ANK3: variants seen among roughly 807,000 people sequenced by gnomAD.
ANK3 encodes ankyrin 3, also known as ankyrin-3.
In ANK3, 57 loss-of-function variants were observed where a neutral mutation model predicts 370.9. The observed-to-expected ratio is 0.15, with a 90% confidence interval of 0.12 to 0.19. The LOEUF is 0.19. Ranked by LOEUF, ANK3 falls within the 10% of genes least tolerant of loss-of-function variation. The pLI, the probability that ANK3 is intolerant of heterozygous loss-of-function variation, is 1.00. For missense variants in ANK3, 4,439 were observed against 5,302.1 expected (o/e 0.84, Z 5.06); for synonymous variants, 1,929 against 1,946.3 (o/e 0.99, Z 0.23).
chr10:60,234,716 C>T lies in ANK3; in HGVS notation c.869G>A (p.Arg290Gln). The stretch of plus-strand genomic sequence containing the variant: ...GGTTTTGGCATCGATTTTAGCTCCT[C>T]GATCGAGCAATAGTTTTACCATATT... ...NANMVKLLLDRGAKIDAKTRD... is the reference protein window; with the variant it reads ...NANMVKLLLDQGAKIDAKTRD... The change falls in exon 8 of 44, where the codon CGA becomes CAA. Residue 290 changes from arginine to glutamine, a missense_variant. By Grantham distance (43) the Arg-to-Gln change is conservative. Around this residue, in one of 13 missense-constraint regions of ANK3, gnomAD observed 227 missense variants for 377.6 expected, o/e 0.60. Transcript: ENST00000280772. The T allele has an allele frequency of 6.2e-7, 1 of 1,613,324 alleles. No individual in the cohort carries two copies. The highest frequency in any genetic ancestry group is 8.5e-7 in the Non-Finnish European group (1 of 1,179,532).
chr10:60,286,775 T>C (rs1447710005), intron 1 of ANK3, among the ~76,000 whole-genome samples: 1 of 152,210 alleles, frequency 6.6e-6, no homozygotes, highest in African/African-American at 2.4e-5. Context: ...CCTGGATTAA[T>C]GTTGTCATAT....
At chr10:60,415,916 G>GCCCCCCCCCCCCCCCCCC (rs202007204) in intron 2 of ANK3, among the ~76,000 whole-genome samples, 1 of 81,190 alleles carries the variant, frequency 1.2e-5, no homozygotes, top group East Asian at 4.0e-4. Context: ...CTGAATTTGT[G>GCCCCCCCCCCCCCCCCCC]CCCCCCACCC....
At chr10:60,203,823 G>A (rs545493594) in intron 11 of ANK3, among the ~76,000 whole-genome samples, 253 of 152,240 alleles carry the variant, frequency 1.7e-3, no homozygotes, top group Non-Finnish European at 3.0e-3. Flanking sequence ...TATTGAATAT[G>A]TCCATGATTG....
intron 1 of ANK3, among the ~76,000 whole-genome samples, chr10:60,330,024 A>C (rs2050834472): frequency 6.6e-6 from 1 of 152,228 alleles, no homozygotes; most frequent in South Asian, 2.1e-4. Flanking sequence ...TGACAAAAAC[A>C]AGCAATGGGG....
chr10:60,046,745 G>T (rs897665907), intron 42 of ANK3, among the ~76,000 whole-genome samples: 15 of 151,630 alleles, frequency 9.9e-5, no homozygotes, highest in African/African-American at 2.9e-4. Flanking sequence ...AACTATATTA[G>T]AGACCAAATG....
At position 60,383,185 on chromosome 10, in the gene ANK3, G is replaced by A. The variant is rs148123784; in HGVS notation, c.114+6240C>T. Among the ~76,000 whole-genome samples the A allele has an allele frequency of 1.8e-4, 28 of 152,186 alleles. No individual in the cohort carries two copies. In the East Asian group the frequency reaches 4.3e-3, roughly 23 times the overall value. On this transcript the variant is annotated intron_variant, in intron 1 of 43. Coordinates refer to ENST00000280772, the MANE Select transcript of ANK3 (RefSeq NM_020987.5). ...TAAACAAACCTCAACTTTGGTTAATGACTCAGTACATTGGCTAACACTAAA... is the reference window on the plus strand; with the variant it reads ...TAAACAAACCTCAACTTTGGTTAATAACTCAGTACATTGGCTAACACTAAA...
At chr10:60,501,711 A>AC (rs1170004341) in intron 2 of ANK3, among the ~76,000 whole-genome samples, 1 of 151,438 alleles carries the variant, frequency 6.6e-6, no homozygotes, top group Admixed American at 6.6e-5. Flanking sequence ...GTCTCAAAAA[A>AC]AAAAAAAAAA....
chr10:60,091,892 A>G (rs2088604749), intron 28 of ANK3, among the ~76,000 whole-genome samples: 4 of 151,970 alleles, frequency 2.6e-5, no homozygotes, highest in Admixed American at 2.6e-4. Flanking sequence ...CACCATGCCC[A>G]GCTAATTTTC....
At chr10:60,681,728 C>G (rs527490279) in intron 1 of ANK3, among the ~76,000 whole-genome samples, 1 of 152,296 alleles carries the variant, frequency 6.6e-6, no homozygotes, top group African/African-American at 2.4e-5. Context: ...GTCTCCAGTG[C>G]AGGGCAGACT....
At chr10:60,357,536 G>A (rs1168702218) in intron 1 of ANK3, among the ~76,000 whole-genome samples, 1 of 138,354 alleles carries the variant, frequency 7.2e-6, no homozygotes, top group Non-Finnish European at 1.6e-5. Flanking sequence ...CCTTCAATAT[G>A]TATAAGGAAA....
intron 3 of ANK3, 67 bp downstream of exon 3, chr10:60,278,983 T>C: frequency 6.4e-7 from 1 of 1,564,352 alleles, no homozygotes; most frequent in Non-Finnish European, 8.8e-7. Context: ...CCCCCATTCT[T>C]ACTGAGGGCT....
At chr10:60,188,010 T>C (rs962488075) in intron 16 of ANK3, among the ~76,000 whole-genome samples, 1 of 152,176 alleles carries the variant, frequency 6.6e-6, no homozygotes, top group East Asian at 1.9e-4. Flanking sequence ...TGGGGATATT[T>C]AGTGGCACTC....
intron 8 of ANK3, among the ~76,000 whole-genome samples, chr10:60,230,878 G>A (rs2132524166): frequency 7.1e-6 from 1 of 139,940 alleles, no homozygotes; most frequent in East Asian, 2.1e-4. Flanking sequence ...GACTGACAGA[G>A]CGAGACTCCA....
At position 60,080,627 on chromosome 10, in the gene ANK3, G is replaced by GAAA. The variant is rs761309113; in HGVS notation, c.4351-12_4351-10dup. The GAAA allele has an allele frequency of 2.4e-5, 29 of 1,211,526 alleles. No homozygotes were observed. In the African/African-American group the frequency reaches 3.5e-4, roughly 15 times the overall value. 75.0% of individuals were successfully genotyped at this position (1,211,526 alleles called of 1,614,324 possible). A position where few individuals can be genotyped will look rare whatever the true frequency, so the allele number is the denominator to read the frequency against. On this transcript the variant is annotated splice_polypyrimidine_tract_variant and intron_variant, in intron 35 of 43. Transcript: ENST00000280772. ...CTATCTGTTTTCTCAATCTGAAAAG[G>GAAA]AAAAAAAAAAAGACAACTCTATTTC... is the stretch of plus-strand genomic sequence containing the variant.
At chr10:60,223,673 G>A (rs2097096694) in intron 8 of ANK3, among the ~76,000 whole-genome samples, 1 of 152,150 alleles carries the variant, frequency 6.6e-6, no homozygotes, top group African/African-American at 2.4e-5. Context: ...TTTTGTTTAA[G>A]AGTAGACTCA....
intron 1 of ANK3, among the ~76,000 whole-genome samples, chr10:60,639,175 CAGA>C (rs1428957532): frequency 1.3e-5 from 2 of 151,642 alleles, no homozygotes; most frequent in African/African-American, 4.8e-5. Flanking sequence ...ATAAGAACGA[CAGA>C]AGATGTCAGA....
Position 60,071,917 on chromosome 10 carries a change from A to C in ANK3, c.8964T>G (p.His2988Gln). ...GFCEQSAFPK[H>Q]ELSQKLSQSS... is the part of the protein sequence containing the mutation. The stretch of plus-strand genomic sequence containing the variant: ...ACTGGGACAATTTTTGTGATAGTTC[A>C]TGTTTTGGAAATGCCGACTGTTCAC... The change falls in exon 37 of 44, where the codon CAT (histidine) becomes CAG (glutamine). Residue 2988 changes from histidine (H) to glutamine (Q), a missense_variant. Physicochemically the swap from His to Gln is conservative, Grantham distance 24. Coordinates refer to ENST00000280772, the MANE Select transcript of ANK3 (RefSeq NM_020987.5). 1.2e-6 allele frequency: 2 copies of C among 1,614,014 alleles called. No individual in the cohort carries two copies. The highest frequency in any genetic ancestry group is 1.1e-5 in the South Asian group (1 of 91,080).
At chr10:60,493,079 CAAA>C (rs1268736795) in intron 2 of ANK3, among the ~76,000 whole-genome samples, 51 of 121,540 alleles carry the variant, frequency 4.2e-4, no homozygotes, top group Middle Eastern at 4.2e-3. Context: ...GACTCCTTCT[CAAA>C]AAAAAAAAAA....
At chr10:60,465,465 T>C (rs1229987502) in intron 2 of ANK3, among the ~76,000 whole-genome samples, 2 of 152,134 alleles carry the variant, frequency 1.3e-5, no homozygotes, top group African/African-American at 2.4e-5. Flanking sequence ...AAAATAAATA[T>C]AGTCCTGATC....
Sources: allele counts gnomAD v4.1 joint callset (sites outside exome capture counted in the v4.1 genomes callset), GRCh38; gene constraint gnomAD v4.1.1; regional missense constraint gnomAD v4.1.1; transcripts MANE v1.5; gene names NCBI Gene and HGNC (gene_info 2026-07-23, HGNC 2026-07-21).